The following SORCS2 variants were observed in gnomAD, a reference collection of about 807,000 sequenced individuals.
SORCS2 encodes the protein VPS10 domain-containing receptor SorCS2.
SORCS2 carries 100 observed loss-of-function variants against 141.6 expected under a neutral mutation model. The observed-to-expected ratio is 0.71, with a 90% CI of 0.60 to 0.83. The LOEUF is 0.83. Among genes scored for constraint, SORCS2 ranks in the 40% least tolerant of loss-of-function variants. The pLI is 0.00. For synonymous variants in SORCS2, 789 were observed against 676.9 expected (o/e 1.17, Z -2.57); for missense variants, 1,646 against 1,560.2 (o/e 1.05, Z -0.93).
intron 22 of SORCS2, 74 bp from the exon 23 acceptor site, chr4:7,729,513 G>A (rs1727455800): frequency 2.6e-6 from 4 of 1,516,344 alleles, no homozygotes; most frequent in African/African-American, 1.4e-5. Flanking sequence ...GAGAGAGGGT[G>A]TTCCTGGGGG....
chr4:7,651,090 T>C (rs1490932651), intron 4 of SORCS2, among the ~76,000 whole-genome samples: 1 of 152,110 alleles, frequency 6.6e-6, no homozygotes, highest in Non-Finnish European at 1.5e-5. Flanking sequence ...GATGTCTGTG[T>C]TCACTCATCA....
intron 2 of SORCS2, among the ~76,000 whole-genome samples, chr4:7,417,491 G>A (rs1725776209): frequency 6.6e-6 from 1 of 152,126 alleles, no homozygotes. Flanking sequence ...GGAGAAGCAT[G>A]GGCACCCTAA....
intron 1 of SORCS2, among the ~76,000 whole-genome samples, chr4:7,300,741 C>T (rs575794798): frequency 7.9e-5 from 12 of 152,348 alleles, no homozygotes; most frequent in East Asian, 1.9e-4. Context: ...TGAGGCTACC[C>T]TCCCGTGACC....
chr4:7,503,447 G>A (rs1732092386), intron 2 of SORCS2, among the ~76,000 whole-genome samples: 1 of 152,238 alleles, frequency 6.6e-6, no homozygotes, highest in Non-Finnish European at 1.5e-5. Context: ...CCGAGATGGA[G>A]ATAGAGACAT....
chr4:7,251,859 T>G (rs1560141189), intron 1 of SORCS2, among the ~76,000 whole-genome samples: 1 of 152,104 alleles, frequency 6.6e-6, no homozygotes, highest in South Asian at 2.1e-4. Context: ...GTGTCTCAGC[T>G]GAGCACATTG....
At chr4:7,540,198 GCCCC>G (rs1712508876) in intron 3 of SORCS2, among the ~76,000 whole-genome samples, 1 of 94,986 alleles carries the variant, frequency 1.1e-5, no homozygotes, top group Non-Finnish European at 2.1e-5. Context: ...GCCCCTCCCT[GCCCC>G]TCCCTGCCCC....
intron 1 of SORCS2, among the ~76,000 whole-genome samples, chr4:7,266,528 C>T (rs1054652034): frequency 2.0e-5 from 3 of 152,234 alleles, no homozygotes; most frequent in Admixed American, 6.5e-5. Context: ...CATTTGGGAA[C>T]AGTAGTTCCT....
rs140909305 is a variant in SORCS2 at position 7,548,398 on chromosome 4, C to T, written c.648+16769C>T. 3.4e-3 allele frequency among the ~76,000 whole-genome samples: 516 copies of T among 152,252 alleles called. 8 individuals are homozygous for T. Among genetic ancestry groups the T allele is most frequent in the African/African-American group, 0.011 (477 of 41,552 alleles). ...TGCAAGGTGGGGTCCTTCCTTATCA[C>T]GGAGCTGAAGTCAAAATGGAGCTCA... On this transcript the variant is annotated intron_variant, in intron 3 of 26. Coordinates refer to ENST00000507866, the MANE Select transcript of SORCS2 (RefSeq NM_020777.3).
chr4:7,254,409 A>G (rs1713709134), intron 1 of SORCS2, among the ~76,000 whole-genome samples: 2 of 148,626 alleles, frequency 1.3e-5, no homozygotes, highest in South Asian at 4.2e-4. Context: ...TAAGTGAAAC[A>G]AGCAAGGTAC....
chr4:7,195,321 A>C (rs1055383883), intron 1 of SORCS2, among the ~76,000 whole-genome samples: 1 of 152,146 alleles, frequency 6.6e-6, no homozygotes, highest in Non-Finnish European at 1.5e-5. Flanking sequence ...GGCGAGGGGC[A>C]GGGGTGAGGT....
intron 9 of SORCS2, among the ~76,000 whole-genome samples, chr4:7,677,731 AC>A (rs750015299): frequency 1.3e-5 from 2 of 152,040 alleles, no homozygotes; most frequent in Non-Finnish European, 2.9e-5. Flanking sequence ...CACAAATGGA[AC>A]CATTTGTTTG....
intron 3 of SORCS2, among the ~76,000 whole-genome samples, chr4:7,622,271 A>G (rs937106179): frequency 6.6e-6 from 1 of 152,168 alleles, no homozygotes; most frequent in Non-Finnish European, 1.5e-5. Flanking sequence ...CCCATAGACT[A>G]CAGAAGTGAC....
At chr4:7,682,927 G>T in intron 10 of SORCS2, 38 bp downstream of exon 10, 1 of 1,599,576 alleles carries the variant, frequency 6.3e-7, no homozygotes, top group Non-Finnish European at 8.5e-7. Context: ...CATCCTTGGC[G>T]TGGATGCTAG....
At chr4:7,556,965 A>G (rs1047040525) in intron 3 of SORCS2, among the ~76,000 whole-genome samples, 1 of 136,184 alleles carries the variant, frequency 7.3e-6, no homozygotes, top group Non-Finnish European at 1.5e-5. Flanking sequence ...ATATCCATTC[A>G]TCCAACCACC....
intron 2 of SORCS2, among the ~76,000 whole-genome samples, chr4:7,475,514 A>C (rs1402806683): frequency 6.6e-6 from 1 of 152,206 alleles, no homozygotes; most frequent in East Asian, 1.9e-4. Context: ...AGCAAGCAGG[A>C]GGCTGAGACA....
chr4:7,670,014 A>T (rs779699716), intron 8 of SORCS2, among the ~76,000 whole-genome samples: 3 of 152,250 alleles, frequency 2.0e-5, no homozygotes, highest in Non-Finnish European at 4.4e-5. Context: ...CAATGAATCT[A>T]TGTGTGCCCA....
Position 7,734,745 on chromosome 4 carries a change from C to T in SORCS2, c.3311+371C>T, listed in dbSNP as rs970092712. Among the ~76,000 whole-genome samples, 4 of 152,198 alleles carry T rather than the reference C, an allele frequency of 2.6e-5. No individual in the cohort carries two copies. In the South Asian group the frequency reaches 6.2e-4, roughly 24 times the overall value. On this transcript the variant is annotated intron_variant, in intron 25 of 26. Coordinates refer to ENST00000507866, the MANE Select transcript of SORCS2 (RefSeq NM_020777.3). ...AGCAGTGTGCCCAAGGTAACACAGA[C>T]GGCCAGCCTCAGAACTGGGACCTGA...
intron 2 of SORCS2, among the ~76,000 whole-genome samples, chr4:7,446,370 G>A (rs1246657640): frequency 6.6e-6 from 1 of 152,214 alleles, no homozygotes; most frequent in East Asian, 1.9e-4. Context: ...GCAGCATCAG[G>A]GGCTACAGGT....
chr4:7,563,043 A>C (rs567136223), intron 3 of SORCS2, among the ~76,000 whole-genome samples: 3 of 152,202 alleles, frequency 2.0e-5, no homozygotes, highest in Non-Finnish European at 4.4e-5. Context: ...GCCATGCTTT[A>C]AAAATGTACA....
Sources: gnomAD v4.1 joint callset for allele counts (sites outside exome capture counted in the v4.1 genomes callset) on GRCh38, gnomAD v4.1.1 for gene constraint, MANE v1.5 for transcripts, NCBI Gene and HGNC (gene_info 2026-07-23, HGNC 2026-07-21) for gene names.